LRMDA: variants seen among roughly 807,000 people sequenced by gnomAD.
LRMDA encodes leucine-rich melanocyte differentiation-associated protein.
Under a neutral mutation model 29.8 loss-of-function variants are expected in LRMDA, and 18 were observed. The ratio of observed to expected loss-of-function variants is 0.60; its 90% CI spans 0.42 to 0.90. The LOEUF (loss-of-function observed/expected upper bound fraction) is 0.90. Among genes scored for constraint, LRMDA ranks in the 40% least tolerant of loss-of-function variants. The pLI, the probability that LRMDA is intolerant of heterozygous loss-of-function variation, is 0.00. For missense variants in LRMDA, 273 were observed against 273.9 expected, an observed-to-expected ratio of 1.00 and a Z score of 0.02; for synonymous variants, 125 against 109.4, an observed-to-expected ratio of 1.14 and a Z score of -0.89.
intron 6 of LRMDA, among the ~76,000 whole-genome samples, chr10:76,452,947 G>T (rs1202972590): frequency 6.6e-6 from 1 of 152,248 alleles, no homozygotes; most frequent in African/African-American, 2.4e-5. Flanking sequence ...AACTTTGTGT[G>T]AACAGGGTCT....
At chr10:75,924,794 G>C (rs1169193906) in intron 2 of LRMDA, among the ~76,000 whole-genome samples, 4 of 152,036 alleles carry the variant, frequency 2.6e-5, no homozygotes, top group Admixed American at 6.6e-5. Flanking sequence ...GTGGGAAGGA[G>C]GTGGGGGAGG....
chr10:75,670,890 G>A (rs776774548), intron 2 of LRMDA, among the ~76,000 whole-genome samples: 7 of 152,024 alleles, frequency 4.6e-5, no homozygotes, highest in Non-Finnish European at 7.4e-5. Flanking sequence ...TTGCTCCTCT[G>A]CCAGTCCCTT....
intron 5 of LRMDA, among the ~76,000 whole-genome samples, chr10:76,140,691 A>ACT (rs150544970): frequency 8.6e-5 from 13 of 150,572 alleles, no homozygotes; most frequent in African/African-American, 3.2e-4. Flanking sequence ...ACAGGGTGGA[A>ACT]CTCTCTCTCT....
chr10:75,965,070 G>A (rs2132432800), intron 2 of LRMDA, among the ~76,000 whole-genome samples: 1 of 152,274 alleles, frequency 6.6e-6, no homozygotes, highest in South Asian at 2.1e-4. Context: ...CCAGCCTGAA[G>A]CCTAGTTTTA....
intron 6 of LRMDA, among the ~76,000 whole-genome samples, chr10:76,508,005 G>C (rs913585048): frequency 7.9e-5 from 12 of 152,038 alleles, no homozygotes; most frequent in African/African-American, 2.9e-4. Flanking sequence ...AAGAATACTA[G>C]CCAATTATTT....
At chr10:76,308,255 A>G (rs1840583742) in intron 5 of LRMDA, among the ~76,000 whole-genome samples, 2 of 152,152 alleles carry the variant, frequency 1.3e-5, no homozygotes, top group Admixed American at 1.3e-4. Flanking sequence ...TGTCTTTATT[A>G]TGCAACTTTG....
intron 2 of LRMDA, chr10:75,883,242 CT>C: frequency 6.6e-6 from 1 of 152,466 alleles, no homozygotes; most frequent in Non-Finnish European, 1.5e-5. Flanking sequence ...GTTCCTTCCT[CT>C]TTTCCCACAG....
chr10:76,025,514 A>G (rs1423203490), intron 2 of LRMDA, among the ~76,000 whole-genome samples: 2 of 151,602 alleles, frequency 1.3e-5, no homozygotes, highest in Non-Finnish European at 2.9e-5. Flanking sequence ...TCCTTCATAG[A>G]TGGTAAGAGC....
In LRMDA at chr10:75,560,848, G is replaced by A. The variant is rs921135907; in HGVS notation, c.131+122354G>A. 3.8e-3 allele frequency among the ~76,000 whole-genome samples: 585 copies of A among 152,156 alleles called. 3 individuals are homozygous for A. Among genetic ancestry groups the A allele is most frequent in the Non-Finnish European group, 6.7e-3 (453 of 67,976 alleles). ...TGCTGGATTACATTTATTGATTTGC[G>A]TATATTGAACCAGCCTTGCATCCCA... On this transcript the variant is annotated intron_variant, in intron 2 of 6. Transcript: ENST00000611255.
chr10:76,144,285 T>C (rs1008045174), intron 5 of LRMDA, among the ~76,000 whole-genome samples: 2 of 152,238 alleles, frequency 1.3e-5, no homozygotes, highest in African/African-American at 2.4e-5. Flanking sequence ...CCTTGGGCAG[T>C]ATGGCCATTT....
intron 2 of LRMDA, among the ~76,000 whole-genome samples, chr10:75,958,198 G>A (rs1403488027): frequency 6.6e-6 from 1 of 152,196 alleles, no homozygotes; most frequent in East Asian, 1.9e-4. Flanking sequence ...CCCAAGGGCT[G>A]CTTCAGGTAC....
intron 5 of LRMDA, among the ~76,000 whole-genome samples, chr10:76,227,710 C>G (rs1230047871): frequency 6.6e-6 from 1 of 152,190 alleles, no homozygotes; most frequent in East Asian, 1.9e-4. Context: ...CCTATAGTCT[C>G]TCATAGTATG....
intron 2 of LRMDA, among the ~76,000 whole-genome samples, chr10:75,768,331 T>G (rs1843195549): frequency 6.6e-6 from 1 of 152,214 alleles, no homozygotes; most frequent in Non-Finnish European, 1.5e-5. Flanking sequence ...TCCTTAGTAA[T>G]TTCTTTGCTG....
chr10:75,496,362 G>A (rs921648016), intron 2 of LRMDA, among the ~76,000 whole-genome samples: 15 of 152,246 alleles, frequency 9.9e-5, no homozygotes, highest in African/African-American at 3.6e-4. Flanking sequence ...AATGGAGAAT[G>A]AAATTAAATG....
chr10:76,222,010 C>A (rs557498439), intron 5 of LRMDA, among the ~76,000 whole-genome samples: 7 of 152,184 alleles, frequency 4.6e-5, no homozygotes, highest in East Asian at 1.9e-4. Context: ...GAAAAACAAA[C>A]AATGGAGAAA....
chr10:76,425,876 T>TAG (rs1842119994), intron 6 of LRMDA, among the ~76,000 whole-genome samples: 1 of 152,002 alleles, frequency 6.6e-6, no homozygotes, highest in African/African-American at 2.4e-5. Flanking sequence ...CCTTGTGATA[T>TAG]TTTGCTGAGA....
intron 2 of LRMDA, among the ~76,000 whole-genome samples, chr10:76,004,852 C>T (rs981870638): frequency 4.0e-5 from 6 of 151,804 alleles, no homozygotes; most frequent in East Asian, 1.9e-4. Context: ...TTCAGCCTCC[C>T]GAGTAGCTGG....
chr10:76,505,324 G>C (rs998048974), intron 6 of LRMDA, among the ~76,000 whole-genome samples: 2 of 151,856 alleles, frequency 1.3e-5, no homozygotes, highest in African/African-American at 4.8e-5. Flanking sequence ...AGGGGTTCTT[G>C]GTATTTCTTG....
At chr10:75,962,309 G>C (rs141088172) in intron 2 of LRMDA, among the ~76,000 whole-genome samples, 2 of 152,324 alleles carry the variant, frequency 1.3e-5, no homozygotes, top group East Asian at 3.9e-4. Context: ...TTGGACTAGA[G>C]CAGTGGCTTG....
Sources: allele counts gnomAD v4.1 joint callset (sites outside exome capture counted in the v4.1 genomes callset), GRCh38; gene constraint gnomAD v4.1.1; transcripts MANE v1.5; gene names NCBI Gene and HGNC (gene_info 2026-07-23, HGNC 2026-07-21).